Variants in CASK observed in about 807,000 individuals in gnomAD.
CASK encodes calcium/calmodulin dependent serine protein kinase.
Under a neutral mutation model 82.9 loss-of-function variants are expected in CASK, and 4 were observed. The observed-to-expected ratio is 0.05, with a 90% CI of 0.02 to 0.11. The LOEUF (loss-of-function observed/expected upper bound fraction) is 0.11, where lower values mean the gene tolerates loss of function less well. Among genes scored for constraint, CASK ranks in the 10% least tolerant of loss-of-function variants. The pLI is 1.00. For synonymous variants in CASK, 259 were observed against 253.5 expected, an observed-to-expected ratio of 1.02 and a Z score of -0.20; for missense variants, 358 against 720.9, an observed-to-expected ratio of 0.50 and a Z score of 5.76.
At chrX:41,636,449 G>A in intron 9 of CASK, 129 bp downstream of exon 9, 2 of 489,430 alleles carry the variant, frequency 4.1e-6, no homozygotes, top group African/African-American at 2.4e-5. Flanking sequence ...GGTAATTTTT[G>A]GAAATGAGAA....
chrX:41,635,035 A>T (rs969839929), intron 9 of CASK, among the ~76,000 whole-genome samples: 7 of 111,930 alleles, frequency 6.3e-5, no homozygotes, highest in Non-Finnish European at 1.3e-4. Context: ...CCCTTGTTCT[A>T]TAGTAGCATG....
chrX:41,580,812 C>A (rs1220053055), intron 14 of CASK, among the ~76,000 whole-genome samples: 1 of 112,130 alleles, frequency 8.9e-6, no homozygotes, highest in Non-Finnish European at 1.9e-5. Context: ...TATGAGTGAG[C>A]AGTTGTCACT....
chrX:41,580,399 T>C (rs1412324574), intron 14 of CASK, among the ~76,000 whole-genome samples: 1 of 111,323 alleles, frequency 9.0e-6, no homozygotes, highest in Non-Finnish European at 1.9e-5. Flanking sequence ...CAGGCTGATC[T>C]TGAACTCCTG....
intron 21 of CASK, among the ~76,000 whole-genome samples, chrX:41,550,726 A>G (rs1200113090): frequency 1.9e-5 from 2 of 103,107 alleles, no homozygotes; most frequent in African/African-American, 3.6e-5. Flanking sequence ...GTGAGACCTC[A>G]TCTCTACAAA....
intron 5 of CASK, among the ~76,000 whole-genome samples, chrX:41,707,538 T>G (rs1255782985): frequency 3.6e-5 from 4 of 112,489 alleles, no homozygotes; most frequent in Non-Finnish European, 7.5e-5. Context: ...GGTAGTTAAG[T>G]ATGCAGCAAT....
chrX:41,819,965 T>C (rs1279009838), intron 2 of CASK, among the ~76,000 whole-genome samples: 1 of 112,112 alleles, frequency 8.9e-6, no homozygotes, highest in Non-Finnish European at 1.9e-5. Context: ...AGACAATACC[T>C]AATGGTAAGA....
intron 25 of CASK, among the ~76,000 whole-genome samples, chrX:41,526,396 C>A (rs896002536): frequency 8.9e-6 from 1 of 112,107 alleles, no homozygotes; most frequent in African/African-American, 3.2e-5. Flanking sequence ...AGAATGACAC[C>A]CTGGGCATGA....
At chrX:41,577,478 A>T (rs1432497474) in intron 15 of CASK, among the ~76,000 whole-genome samples, 2 of 111,477 alleles carry the variant, frequency 1.8e-5, no homozygotes, top group Non-Finnish European at 3.8e-5. Flanking sequence ...CCTGCTTGAA[A>T]GTCTTCAATA....
intron 2 of CASK, among the ~76,000 whole-genome samples, chrX:41,839,485 G>A (rs1292685529): frequency 9.2e-6 from 1 of 108,500 alleles, no homozygotes; most frequent in Non-Finnish European, 1.9e-5. Flanking sequence ...TTTTTCGTAT[G>A]TTTATCTCAT....
intron 1 of CASK, among the ~76,000 whole-genome samples, chrX:41,922,534 ACT>A (rs749624598): frequency 8.9e-6 from 1 of 111,774 alleles, no homozygotes; most frequent in South Asian, 3.7e-4. Context: ...AAAACCCTGG[ACT>A]CTCTCACCAC....
At chrX:41,858,526 C>G (rs2071416462) in intron 1 of CASK, among the ~76,000 whole-genome samples, 1 of 111,369 alleles carries the variant, frequency 9.0e-6, no homozygotes, top group African/African-American at 3.3e-5. Context: ...CTGCTGGGTG[C>G]TCAGTACCTC....
At chrX:41,543,237 T>C (rs2064972380) in intron 21 of CASK, among the ~76,000 whole-genome samples, 2 of 111,987 alleles carry the variant, frequency 1.8e-5, no homozygotes, top group African/African-American at 6.5e-5. Flanking sequence ...ATTTTACAGA[T>C]GAGGGGATTG....
chrX:41,825,340 G>T (rs1382538390), intron 2 of CASK, among the ~76,000 whole-genome samples: 1 of 89,953 alleles, frequency 1.1e-5, no homozygotes, highest in Non-Finnish European at 2.4e-5. Context: ...GTTATTACTG[G>T]GCTTTTAGAT....
intron 1 of CASK, among the ~76,000 whole-genome samples, chrX:41,903,891 C>A (rs773194800): frequency 8.9e-6 from 1 of 112,192 alleles, no homozygotes; most frequent in Non-Finnish European, 1.9e-5. Context: ...AGATATAATT[C>A]ATACCATAAA....
At chrX:41,537,125 T>A (rs1448673068) in intron 22 of CASK, among the ~76,000 whole-genome samples, 1 of 111,434 alleles carries the variant, frequency 9.0e-6, no homozygotes, top group Non-Finnish European at 1.9e-5. Flanking sequence ...GTCATTTTTT[T>A]AAAAAACACA....
intron 2 of CASK, among the ~76,000 whole-genome samples, chrX:41,803,753 G>A (rs1211110619): frequency 8.9e-6 from 1 of 111,734 alleles, no homozygotes; most frequent in African/African-American, 3.3e-5. Flanking sequence ...CCAGGAAGTG[G>A]GGTGGGAGGG....
At chrX:41,850,291 G>C (rs1345198612) in intron 2 of CASK, among the ~76,000 whole-genome samples, 1 of 111,818 alleles carries the variant, frequency 8.9e-6, no homozygotes, top group African/African-American at 3.3e-5. Flanking sequence ...GTCCCATAAG[G>C]CTAGGGGCTC....
intron 21 of CASK, among the ~76,000 whole-genome samples, chrX:41,548,754 C>A (rs1344517797): frequency 1.8e-5 from 2 of 111,775 alleles, no homozygotes; most frequent in African/African-American, 6.5e-5. Context: ...GGTTAAGAGA[C>A]AAAATCGTGT....
intron 2 of CASK, among the ~76,000 whole-genome samples, chrX:41,803,447 C>T (rs1321006915): frequency 9.0e-6 from 1 of 110,702 alleles, no homozygotes; most frequent in Non-Finnish European, 1.9e-5. Flanking sequence ...AAAAAATTAG[C>T]CAGGTGTGGT....
Sources: gnomAD v4.1 joint callset for allele counts (sites outside exome capture counted in the v4.1 genomes callset) on GRCh38, gnomAD v4.1.1 for gene constraint, MANE v1.5 for transcripts, NCBI Gene and HGNC (gene_info 2026-07-23, HGNC 2026-07-21) for gene names.